The following ZFHX4 variants were observed in gnomAD, a reference collection of about 807,000 sequenced individuals.
The protein encoded by ZFHX4 is zinc finger homeobox protein 4.
Under a neutral mutation model 267.6 loss-of-function variants are expected in ZFHX4, and 56 were observed. The ratio of observed to expected loss-of-function variants is 0.21; its 90% CI spans 0.17 to 0.26. ZFHX4 has a LOEUF of 0.26. ZFHX4 is among the 10% of genes least tolerant of loss of function. The probability of loss-of-function intolerance (pLI) is 1.00; values close to 1 mark genes in which losing one functional copy is unlikely to be tolerated. For synonymous variants in ZFHX4, 1,778 were observed against 1,665.6 expected (o/e 1.07, Z -1.64); for missense variants, 4,332 against 4,420.0 (o/e 0.98, Z 0.56).
In ZFHX4 at chr8:76,788,236, T is replaced by G. The variant is rs1810743990; in HGVS notation, c.3325+9797T>G. On this transcript the variant is annotated intron_variant, in intron 4 of 10. Coordinates refer to ENST00000651372, the MANE Select transcript of ZFHX4 (RefSeq NM_024721.5). ...CATGCTCATAGTCTTCTCACATTCT[T>G]TATGTGTTATCCGTATTTCCAGAAG... is the stretch of plus-strand genomic sequence containing the variant. 2.0e-5 allele frequency among the ~76,000 whole-genome samples: 3 copies of G among 152,174 alleles called. No individual in the cohort carries two copies. The South Asian group carries it at 6.2e-4, about 31-fold the overall frequency.
chr8:76,767,044 G>GGTGT lies in ZFHX4; in HGVS notation c.3094-11137_3094-11134dup, dbSNP rs34640815. On this transcript the variant is annotated intron_variant, in intron 3 of 10. Coordinates refer to ENST00000651372, the MANE Select transcript of ZFHX4 (RefSeq NM_024721.5). The stretch of plus-strand genomic sequence containing the variant: ...TCTTCCTTTGTCTGTCTCATAAAGG[G>GGTGT]GTGTGTGTGTGTGTGTGTGTGTGTG... Among the ~76,000 whole-genome samples, 450 of 146,928 alleles carry GGTGT rather than the reference G, an allele frequency of 3.1e-3. 2 individuals are homozygous for GGTGT. Among genetic ancestry groups the GGTGT allele is most frequent in the African/African-American group, 9.1e-3 (366 of 40,248 alleles).
chr8:76,840,321 G>A (rs1270336461), intron 5 of ZFHX4, among the ~76,000 whole-genome samples: 1 of 152,152 alleles, frequency 6.6e-6, no homozygotes, highest in Non-Finnish European at 1.5e-5. Context: ...TAAGTTGATG[G>A]GGAGCGTCTA....
At chr8:76,845,925 C>T (rs1229751278) in intron 6 of ZFHX4, among the ~76,000 whole-genome samples, 2 of 151,480 alleles carry the variant, frequency 1.3e-5, no homozygotes, top group Non-Finnish European at 3.0e-5. Context: ...TTGTGTTGTC[C>T]TCAATAACAC....
chr8:76,721,138 T>C (rs1808711040), intron 3 of ZFHX4, among the ~76,000 whole-genome samples: 1 of 152,100 alleles, frequency 6.6e-6, no homozygotes, highest in Admixed American at 6.6e-5. Context: ...ATGAGAAAGG[T>C]AAAGATTTAG....
intron 3 of ZFHX4, among the ~76,000 whole-genome samples, chr8:76,714,359 A>G (rs1336330128): frequency 2.0e-5 from 3 of 152,236 alleles, no homozygotes; most frequent in Non-Finnish European, 2.9e-5. Flanking sequence ...TGGCATGTGT[A>G]TAATGACCGT....
chr8:76,728,360 C>T (rs749778141), intron 3 of ZFHX4, among the ~76,000 whole-genome samples: 3 of 152,142 alleles, frequency 2.0e-5, no homozygotes, highest in Non-Finnish European at 4.4e-5. Context: ...ATGAAAATCT[C>T]CAAACCTCAT....
intron 4 of ZFHX4, among the ~76,000 whole-genome samples, chr8:76,814,959 G>A (rs1315286052): frequency 6.6e-6 from 1 of 152,124 alleles, no homozygotes; most frequent in East Asian, 1.9e-4. Context: ...AGAATAGCCT[G>A]TAATGGAGAA....
At chr8:76,808,421 T>C (rs1053271860) in intron 4 of ZFHX4, among the ~76,000 whole-genome samples, 1 of 152,180 alleles carries the variant, frequency 6.6e-6, no homozygotes, top group Non-Finnish European at 1.5e-5. Context: ...TTCTTTGTGT[T>C]GTTTTGCGCA....
At chr8:76,753,185 A>G (rs16939352) in intron 3 of ZFHX4, among the ~76,000 whole-genome samples, 45,140 of 152,028 alleles carry the variant, frequency 0.3, 9,582 homozygotes, top group African/African-American at 0.59. Context: ...AATTAAATTG[A>G]ACCATCAGTT....
rs768488678 is a variant in ZFHX4, at chr8:76,705,429, G to A, written c.1341G>A (p.Arg447=). ...AAGACCAAGAGAACAACTGTGAAAG[G>A]CCAAAAGAAAGCAACGTTTTACACC... The part of the protein sequence containing the change: ...ESKDQENNCE[R]PKESNVLHPN... The change falls in exon 2 of 11, where the codon AGG becomes AGA. Residue 447 remains arginine, a synonymous_variant. Coordinates refer to ENST00000651372, the MANE Select transcript of ZFHX4 (RefSeq NM_024721.5). The A allele has an allele frequency of 1.9e-6, 3 of 1,613,732 alleles. No individual in the cohort carries two copies. In the South Asian group the frequency reaches 3.3e-5, roughly 18 times the overall value.
intron 3 of ZFHX4, among the ~76,000 whole-genome samples, chr8:76,730,906 G>A (rs909041005): frequency 6.6e-6 from 1 of 152,044 alleles, no homozygotes; most frequent in Admixed American, 6.6e-5. Flanking sequence ...TGTCTCATTC[G>A]ATCCTCACAA....
intron 1 of ZFHX4, among the ~76,000 whole-genome samples, chr8:76,692,642 G>A (rs926661327): frequency 9.2e-5 from 14 of 151,934 alleles, no homozygotes; most frequent in African/African-American, 3.4e-4. Context: ...TTCATGATGA[G>A]TTAATGTATA....
At chr8:76,777,263 G>A (rs1810423208) in intron 3 of ZFHX4, among the ~76,000 whole-genome samples, 1 of 152,134 alleles carries the variant, frequency 6.6e-6, no homozygotes, top group African/African-American at 2.4e-5. Context: ...AACAGAATAT[G>A]TTTGGGAGTT....
intron 3 of ZFHX4, among the ~76,000 whole-genome samples, chr8:76,722,881 G>T (rs1238965440): frequency 6.6e-6 from 1 of 151,858 alleles, no homozygotes; most frequent in African/African-American, 2.4e-5. Context: ...AAGTGTACTT[G>T]GTTACACTAT....
intron 1 of ZFHX4, among the ~76,000 whole-genome samples, chr8:76,693,080 G>T (rs1171102966): frequency 2.6e-5 from 4 of 152,098 alleles, no homozygotes; most frequent in Admixed American, 2.6e-4. Flanking sequence ...AAATAAAACT[G>T]CAGCCTCCAT....
chr8:76,852,119 A>T lies in ZFHX4; in HGVS notation c.5198A>T (p.Gln1733Leu). 1.2e-6 allele frequency: 2 copies of T among 1,613,984 alleles called. No individual in the cohort carries two copies. The stretch of plus-strand genomic sequence containing the variant: ...ACCCCAGAAGCACTGCTGCAGTTTC[A>T]GCAGCCTCAGTTTCTCTTTCCATTT... ...PMTPEALLQF[Q>L]QPQFLFPFYI... Residue 1733 changes from glutamine (Q) to leucine (L), a missense_variant, in exon 10 of 11, where the codon CAG (glutamine) becomes CTG (leucine). Coordinates refer to ENST00000651372, the MANE Select transcript of ZFHX4 (RefSeq NM_024721.5).
intron 3 of ZFHX4, among the ~76,000 whole-genome samples, chr8:76,725,754 G>A (rs1410632436): frequency 6.6e-6 from 1 of 152,078 alleles, no homozygotes; most frequent in Non-Finnish European, 1.5e-5. Context: ...AAAACACAAA[G>A]TACAATATTA....
chr8:76,803,242 G>A (rs1000702441), intron 4 of ZFHX4, among the ~76,000 whole-genome samples: 15 of 151,800 alleles, frequency 9.9e-5, no homozygotes, highest in Non-Finnish European at 1.9e-4. Flanking sequence ...AATATTGTGT[G>A]TGTGTGCATG....
At chr8:76,823,262 T>TA (rs1811702221) in intron 4 of ZFHX4, among the ~76,000 whole-genome samples, 1 of 152,016 alleles carries the variant, frequency 6.6e-6, no homozygotes. Context: ...CAAGGAACTC[T>TA]TTGCCAATAC....
Sources: allele counts gnomAD v4.1 joint callset (sites outside exome capture counted in the v4.1 genomes callset), GRCh38; gene constraint gnomAD v4.1.1; transcripts MANE v1.5; gene names NCBI Gene and HGNC (gene_info 2026-07-23, HGNC 2026-07-21).